Variants in LRRC7 observed in about 807,000 individuals in gnomAD.
LRRC7 encodes the protein leucine-rich repeat-containing protein 7.
Under a neutral mutation model 175.7 loss-of-function variants are expected in LRRC7, and 23 were observed. The ratio of observed to expected loss-of-function variants is 0.13; its 90% CI spans 0.09 to 0.19. The LOEUF is 0.19. Ranked by LOEUF, LRRC7 falls within the 10% of genes least tolerant of loss-of-function variation. The pLI, the probability that LRRC7 is intolerant of heterozygous loss-of-function variation, is 1.00. For missense variants in LRRC7, 1,354 were observed against 1,904.7 expected, an observed-to-expected ratio of 0.71 and a Z score of 5.38; for synonymous variants, 685 against 680.9, an observed-to-expected ratio of 1.01 and a Z score of -0.09.
intron 2 of LRRC7, among the ~76,000 whole-genome samples, chr1:69,682,749 G>A (rs1235023241): frequency 9.3e-6 from 1 of 107,212 alleles, no homozygotes; most frequent in Non-Finnish European, 2.2e-5. Flanking sequence ...AAGCTACCTA[G>A]TTCATGGATA....
intron 15 of LRRC7, 112 bp from the exon 16 acceptor site, chr1:70,020,889 CTTCT>C (rs1261707180): frequency 4.3e-6 from 3 of 702,206 alleles, no homozygotes. Flanking sequence ...TTCTTTCTTT[CTTCT>C]TTATTTCCGT....
intron 7 of LRRC7, among the ~76,000 whole-genome samples, chr1:69,897,545 C>T (rs528145175): frequency 6.6e-6 from 1 of 152,210 alleles, no homozygotes; most frequent in South Asian, 2.1e-4. Flanking sequence ...TGACTTTACT[C>T]CTATCTCATA....
chr1:69,948,560 A>G (rs1649580787), intron 8 of LRRC7, among the ~76,000 whole-genome samples: 2 of 152,288 alleles, frequency 1.3e-5, no homozygotes, highest in South Asian at 2.1e-4. Context: ...ACAAACAAGC[A>G]CATATCATTT....
chr1:69,665,025 A>G (rs1389342172), intron 1 of LRRC7, among the ~76,000 whole-genome samples: 1 of 152,086 alleles, frequency 6.6e-6, no homozygotes, highest in East Asian at 1.9e-4. Flanking sequence ...TTGCCAGTGG[A>G]TATCCAGTTT....
chr1:69,816,569 G>A (rs1678627059), intron 4 of LRRC7, among the ~76,000 whole-genome samples: 1 of 152,154 alleles, frequency 6.6e-6, no homozygotes, highest in Non-Finnish European at 1.5e-5. Context: ...AAAAGGTGTT[G>A]AAACATTTTT....
At chr1:70,095,174 G>T (rs1039796818) in intron 25 of LRRC7, among the ~76,000 whole-genome samples, 4 of 152,122 alleles carry the variant, frequency 2.6e-5, no homozygotes, top group East Asian at 1.9e-4. Flanking sequence ...TATGCATTAT[G>T]TGAAAATAAA....
chr1:69,838,265 A>G lies in LRRC7; in HGVS notation c.629A>G (p.His210Arg). Residue 210 changes from histidine to arginine, a missense_variant, in exon 7 of 27, where the codon CAC becomes CGC. Physicochemically the swap from His to Arg is conservative, Grantham distance 29. Around this residue, in one of 4 missense-constraint regions of LRRC7, gnomAD observed 201 missense variants for 481.4 expected, o/e 0.42. Coordinates refer to ENST00000651989, the MANE Select transcript of LRRC7 (RefSeq NM_001370785.2). ...CGGATCTTGGAGTTAAGAGAAAATCACTTGAAAACTCTACCAAAGTAAGTG... is the reference window on the plus strand; with the variant it reads ...CGGATCTTGGAGTTAAGAGAAAATCGCTTGAAAACTCTACCAAAGTAAGTG... ...KLRILELREN[H>R]LKTLPKSMHK... 2 of 1,608,834 alleles carry G rather than the reference A, an allele frequency of 1.2e-6. No homozygotes were observed. Among genetic ancestry groups the G allele is most frequent in the Non-Finnish European group, 1.7e-6 (2 of 1,176,304 alleles).
At chr1:69,865,605 C>T (rs1684861184) in intron 7 of LRRC7, among the ~76,000 whole-genome samples, 1 of 150,744 alleles carries the variant, frequency 6.6e-6, no homozygotes, top group South Asian at 2.1e-4. Context: ...CTCAGCCTCC[C>T]GAGTGGCTGG....
chr1:69,995,253 T>A (rs1347033918), intron 11 of LRRC7, among the ~76,000 whole-genome samples: 4 of 152,172 alleles, frequency 2.6e-5, no homozygotes, highest in African/African-American at 4.8e-5. Context: ...CTATATATAT[T>A]ATCAATGTTC....
chr1:69,680,448 A>G (rs1660335856), intron 2 of LRRC7, among the ~76,000 whole-genome samples: 1 of 152,154 alleles, frequency 6.6e-6, no homozygotes, highest in African/African-American at 2.4e-5. Flanking sequence ...CACTTGTGTT[A>G]TAAATTCTCA....
At chr1:69,823,202 A>G (rs1329258266) in intron 4 of LRRC7, among the ~76,000 whole-genome samples, 1 of 152,126 alleles carries the variant, frequency 6.6e-6, no homozygotes, top group East Asian at 1.9e-4. Flanking sequence ...AATTACTGAA[A>G]TATTCTTGAA....
rs916745535 is a variant in LRRC7 at position 69,582,198 on chromosome 1, T to G, written c.2+13557T>G. 2.0e-5 allele frequency among the ~76,000 whole-genome samples: 3 copies of G among 152,332 alleles called. No individual in the cohort carries two copies. In the East Asian group the frequency reaches 5.8e-4, roughly 29 times the overall value. On this transcript the variant is annotated intron_variant, in intron 1 of 26. Coordinates refer to ENST00000651989, the MANE Select transcript of LRRC7 (RefSeq NM_001370785.2). ...TACATAATCTAGGAATGTATTTAGC[T>G]GAAAATAAAAGAAGTATTAATGATT...
At chr1:69,830,604 T>A (rs1385614641) in intron 5 of LRRC7, among the ~76,000 whole-genome samples, 1 of 151,886 alleles carries the variant, frequency 6.6e-6, no homozygotes. Context: ...GTACAAAGTA[T>A]TATTGTATAA....
intron 21 of LRRC7, among the ~76,000 whole-genome samples, chr1:70,042,436 G>A (rs965133941): frequency 2.4e-4 from 36 of 152,260 alleles, no homozygotes; most frequent in Admixed American, 1.4e-3. Flanking sequence ...TCCATTCTAC[G>A]TAAAAGACAA....
chr1:70,021,221 A>G, intron 16 of LRRC7, 92 bp downstream of exon 16: 1 of 1,255,412 alleles, frequency 8.0e-7, no homozygotes, highest in African/African-American at 1.5e-5. Flanking sequence ...ACAAAGTCAG[A>G]TACTTCTTCA....
intron 1 of LRRC7, among the ~76,000 whole-genome samples, chr1:69,632,152 C>G (rs1467727967): frequency 6.6e-6 from 1 of 152,116 alleles, no homozygotes; most frequent in African/African-American, 2.4e-5. Flanking sequence ...GGCTAGGACC[C>G]CATGCATTTC....
chr1:69,859,319 G>C (rs1221244106), intron 7 of LRRC7, among the ~76,000 whole-genome samples: 1 of 152,090 alleles, frequency 6.6e-6, no homozygotes, highest in South Asian at 2.1e-4. Flanking sequence ...TCATTTTGAA[G>C]ACAGTAAGTA....
At chr1:69,829,160 A>G (rs1056869959) in intron 5 of LRRC7, among the ~76,000 whole-genome samples, 1 of 151,974 alleles carries the variant, frequency 6.6e-6, no homozygotes, top group Admixed American at 6.6e-5. Flanking sequence ...AGCAGATATT[A>G]GTATTATCAT....
chr1:69,994,410 A>T lies in LRRC7; in HGVS notation c.932-151A>T, dbSNP rs533680065. 9.4e-6 allele frequency: 6 copies of T among 638,302 alleles called. No homozygotes were observed. The East Asian group carries it at 1.7e-4, about 18-fold the overall frequency. 39.5% of individuals were successfully genotyped at this position (638,302 alleles called of 1,614,324 possible). A position where few individuals can be genotyped will look rare whatever the true frequency, so the allele number is the denominator to read the frequency against. On this transcript the variant is annotated intron_variant, in intron 10 of 26. Transcript: ENST00000651989. ...CTAGAAGGTCAAAATTAGACTACAC[A>T]CAAACGTCAGTTTTATGAGTGTGTA...
Sources: allele counts gnomAD v4.1 joint callset (sites outside exome capture counted in the v4.1 genomes callset), GRCh38; gene constraint gnomAD v4.1.1; regional missense constraint gnomAD v4.1.1; transcripts MANE v1.5; gene names NCBI Gene and HGNC (gene_info 2026-07-23, HGNC 2026-07-21).